C8orf34: variants seen among roughly 807,000 people sequenced by gnomAD.
C8orf34 encodes chromosome 8 open reading frame 34, also known as uncharacterized protein C8orf34.
In C8orf34, 65 loss-of-function variants were observed where a neutral mutation model predicts 68.3. The observed-to-expected ratio is 0.95, with a 90% CI of 0.78 to 1.17. C8orf34 has a LOEUF of 1.17. C8orf34 is among the 50% of genes most tolerant of loss of function. C8orf34 has a pLI of 0.00. For missense variants in C8orf34, 664 were observed against 655.4 expected, an observed-to-expected ratio of 1.01 and a Z score of -0.14; for synonymous variants, 244 against 241.2, an observed-to-expected ratio of 1.01 and a Z score of -0.11.
chr8:68,526,456 G>A (rs1254851252), intron 6 of C8orf34, among the ~76,000 whole-genome samples: 1 of 152,142 alleles, frequency 6.6e-6, no homozygotes, highest in Non-Finnish European at 1.5e-5. Flanking sequence ...CTTAAAAGTG[G>A]AGGAGAATGA....
At chr8:68,391,150 G>T (rs1337212001) in intron 1 of C8orf34, among the ~76,000 whole-genome samples, 1 of 151,988 alleles carries the variant, frequency 6.6e-6, no homozygotes, top group East Asian at 1.9e-4. Context: ...ATCATAGCTG[G>T]TATTTACTTA....
Position 68,446,360 on chromosome 8 carries a change from C to G in C8orf34, c.507C>G (p.Ser169Arg), listed in dbSNP as rs1050886683. 6.2e-7 allele frequency: 1 copy of G among 1,604,296 alleles called. No individual in the cohort carries two copies. Among genetic ancestry groups the G allele is most frequent in the African/African-American group, 1.3e-5 (1 of 74,344 alleles). ...AAGGAACAAGAAGGGATTTCAGAAG[C>G]TATGATAAACCTTGGCAATTAAATG... ...ESKGTRRDFRSYDKPWQLNAK... is the reference protein window; with the variant it reads ...ESKGTRRDFRRYDKPWQLNAK... The change falls in exon 3 of 14, where the codon AGC (serine) becomes AGG (arginine). Residue 169 changes from serine to arginine, a missense_variant. Transcript: ENST00000518698.
chr8:68,349,819 A>C (rs1172816436), intron 1 of C8orf34, among the ~76,000 whole-genome samples: 1 of 150,876 alleles, frequency 6.6e-6, no homozygotes, highest in Non-Finnish European at 1.5e-5. Context: ...TCCCTTCATC[A>C]TTTCTTATTA....
intron 9 of C8orf34, among the ~76,000 whole-genome samples, chr8:68,709,847 G>A (rs901997230): frequency 6.6e-5 from 10 of 152,106 alleles, no homozygotes; most frequent in African/African-American, 2.4e-4. Flanking sequence ...AATAAGTACA[G>A]GTAATGCCAC....
At chr8:68,625,192 G>C (rs1216927954) in intron 7 of C8orf34, among the ~76,000 whole-genome samples, 1 of 152,106 alleles carries the variant, frequency 6.6e-6, no homozygotes, top group African/African-American at 2.4e-5. Context: ...GTTGAGAAGG[G>C]AGCAAGTACA....
intron 7 of C8orf34, among the ~76,000 whole-genome samples, chr8:68,593,423 T>C (rs1817453932): frequency 6.6e-6 from 1 of 152,108 alleles, no homozygotes; most frequent in Non-Finnish European, 1.5e-5. Context: ...GGCTATTTAT[T>C]GTTCCATCAA....
chr8:68,630,317 A>G (rs1818654291), intron 7 of C8orf34, among the ~76,000 whole-genome samples: 4 of 152,130 alleles, frequency 2.6e-5, no homozygotes, highest in Admixed American at 2.6e-4. Flanking sequence ...CATGTAGTCA[A>G]CAGAAAAGTT....
chr8:68,361,959 T>C (rs1464450766), intron 1 of C8orf34, among the ~76,000 whole-genome samples: 1 of 152,224 alleles, frequency 6.6e-6, no homozygotes, highest in East Asian at 1.9e-4. Context: ...CTACAATCTC[T>C]ATAGTCAGTT....
chr8:68,812,389 A>G (rs576053691), intron 12 of C8orf34, among the ~76,000 whole-genome samples: 10 of 152,178 alleles, frequency 6.6e-5, no homozygotes, highest in Non-Finnish European at 1.5e-4. Context: ...TTGACTAAGT[A>G]TCTCAAAACT....
intron 7 of C8orf34, among the ~76,000 whole-genome samples, chr8:68,556,203 T>C (rs998888851): frequency 1.1e-4 from 17 of 151,364 alleles, no homozygotes; most frequent in African/African-American, 4.1e-4. Flanking sequence ...TATAGATATA[T>C]AAATATTTAT....
intron 10 of C8orf34, among the ~76,000 whole-genome samples, chr8:68,728,080 T>C (rs1445625989): frequency 1.3e-5 from 2 of 152,324 alleles, no homozygotes; most frequent in Admixed American, 1.3e-4. Flanking sequence ...TAAAACTGAA[T>C]GCCTTTAACA....
At chr8:68,381,419 A>G (rs1808024337) in intron 1 of C8orf34, among the ~76,000 whole-genome samples, 1 of 152,202 alleles carries the variant, frequency 6.6e-6, no homozygotes, top group South Asian at 2.1e-4. Context: ...TCTAATGTTT[A>G]CAACACACAT....
chr8:68,631,167 C>A (rs1818680671), intron 7 of C8orf34, among the ~76,000 whole-genome samples: 1 of 151,900 alleles, frequency 6.6e-6, no homozygotes, highest in Non-Finnish European at 1.5e-5. Context: ...GAGGCTGAGG[C>A]AGGAGAATCA....
intron 1 of C8orf34, among the ~76,000 whole-genome samples, chr8:68,396,712 C>CAAAAA (rs56946858): frequency 0.025 from 466 of 18,700 alleles, 46 homozygotes; most frequent in Middle Eastern, 0.062. Flanking sequence ...AGCTGCTTGT[C>CAAAAA]AAAAAAAAAA....
At chr8:68,548,547 G>A (rs1306736318) in intron 7 of C8orf34, among the ~76,000 whole-genome samples, 1 of 151,662 alleles carries the variant, frequency 6.6e-6, no homozygotes, top group African/African-American at 2.4e-5. Flanking sequence ...TGCTAAGTAC[G>A]TGGAGCAGCT....
At chr8:68,745,233 A>G (rs1822447474) in intron 10 of C8orf34, among the ~76,000 whole-genome samples, 1 of 152,186 alleles carries the variant, frequency 6.6e-6, no homozygotes, top group Non-Finnish European at 1.5e-5. Flanking sequence ...TCCTGAAGGA[A>G]GCGCTAAACA....
intron 7 of C8orf34, among the ~76,000 whole-genome samples, chr8:68,565,413 AG>A (rs1373058925): frequency 1.3e-5 from 2 of 152,196 alleles, no homozygotes; most frequent in Non-Finnish European, 2.9e-5. Context: ...AAAATGAGTC[AG>A]TGCTCTTATT....
At chr8:68,714,654 A>G (rs1273419488) in intron 9 of C8orf34, among the ~76,000 whole-genome samples, 8 of 152,190 alleles carry the variant, frequency 5.3e-5, no homozygotes, top group African/African-American at 1.9e-4. Context: ...CACTTTCCAT[A>G]TTCATGGATG....
chr8:68,714,879 A>G (rs1007552172), intron 9 of C8orf34, among the ~76,000 whole-genome samples: 1 of 152,210 alleles, frequency 6.6e-6, no homozygotes, highest in Admixed American at 6.5e-5. Flanking sequence ...AAAGTATACT[A>G]TAAGGCCATA....
Sources: allele counts gnomAD v4.1 joint callset (sites outside exome capture counted in the v4.1 genomes callset), GRCh38; gene constraint gnomAD v4.1.1; transcripts MANE v1.5; gene names NCBI Gene and HGNC (gene_info 2026-07-23, HGNC 2026-07-21).